Variants in EPHA2 observed in about 807,000 individuals in gnomAD.
The protein encoded by EPHA2 is ephrin type-A receptor 2.
EPHA2 carries 54 observed loss-of-function variants against 104.9 expected under a neutral mutation model. The observed-to-expected ratio is 0.51, with a 90% CI of 0.41 to 0.65. EPHA2 has a LOEUF of 0.65. Ranked by LOEUF, EPHA2 falls within the 30% of genes least tolerant of loss-of-function variation. EPHA2 has a pLI of 0.00. For synonymous variants in EPHA2, 560 were observed against 559.1 expected (o/e 1.00, Z -0.02); for missense variants, 1,117 against 1,369.5 (o/e 0.82, Z 2.91).
intron 2 of EPHA2, 151 bp from the exon 3 acceptor site, chr1:16,149,198 C>T (rs2024992820): frequency 2.4e-6 from 2 of 835,508 alleles, no homozygotes; most frequent in Non-Finnish European, 3.9e-6. Flanking sequence ...GTGGGGGCTG[C>T]ATCCATAAGT....
Position 16,138,535 on chromosome 1 carries a change from G to A in EPHA2, c.824-105C>T, listed in dbSNP as rs999584241. ...CCAGGGACCCCTGCCCTGCAAGCAG[G>A]TCAGTAAATCTCTATGGACCTGTTT... On this transcript the variant is annotated intron_variant, in intron 3 of 16. Transcript: ENST00000358432. 2.6e-6 allele frequency: 4 copies of A among 1,535,142 alleles called. No homozygotes were observed. In the Admixed American group the frequency reaches 5.1e-5, roughly 20 times the overall value.
intron 16 of EPHA2, 131 bp downstream of exon 16, chr1:16,129,303 G>T: frequency 8.7e-7 from 1 of 1,144,046 alleles, no homozygotes. Flanking sequence ...CTTCCAAGGA[G>T]CCTCTTCCCA....
At chr1:16,136,300 C>A (rs942154257) in intron 5 of EPHA2, among the ~76,000 whole-genome samples, 2 of 72,846 alleles carry the variant, frequency 2.7e-5, no homozygotes, top group Non-Finnish European at 5.5e-5. Flanking sequence ...TTTACGAGTG[C>A]ATAAATAATA....
intron 9 of EPHA2, 60 bp downstream of exon 9, chr1:16,133,800 C>T (rs2024627672): frequency 1.3e-6 from 2 of 1,503,122 alleles, no homozygotes; most frequent in Non-Finnish European, 1.8e-6. Context: ...CCCCCACCTC[C>T]CCCACAGAGC....
Position 16,128,647 on chromosome 1 carries a change from C to G in EPHA2, c.2825+787G>C, listed in dbSNP as rs57138197. 0.018 allele frequency among the ~76,000 whole-genome samples: 2,726 copies of G among 152,278 alleles called. 92 individuals are homozygous for G. The highest frequency in any genetic ancestry group is 0.06 in the African/African-American group (2,504 of 41,542). On this transcript the variant is annotated intron_variant, in intron 16 of 16. Coordinates refer to ENST00000358432, the MANE Select transcript of EPHA2 (RefSeq NM_004431.5). The surrounding 1 kb of genome is among the most constrained non-coding windows in gnomAD (Gnocchi z 4.7). ...AAGGCTAAGAGGATAGGGTCTCCCC[C>G]TTCCTGGGACAGGAGGAGGTGTCTG...
At position 16,135,001 on chromosome 1, in the gene EPHA2, C is replaced by G. The variant is rs200733267; in HGVS notation, c.1582+35G>C. On this transcript the variant is annotated intron_variant, in intron 7 of 16. Transcript: ENST00000358432. This position sits in a 1 kb window ranked among gnomAD's most constrained non-coding sequence, Gnocchi z 4.3. The stretch of plus-strand genomic sequence containing the variant: ...TGTCTCAATTGCTTGGTTCTGGGCC[C>G]TGGCCTGGTCCATGCCCAGGGTCCC... 1.2e-6 allele frequency: 2 copies of G among 1,608,762 alleles called. No homozygotes were observed. Among genetic ancestry groups the G allele is most frequent in the Admixed American group, 3.3e-5 (2 of 60,012 alleles).
rs763497734 is a variant in EPHA2 at position 16,150,946 on chromosome 1, C to A, written c.103G>T (p.Ala35Ser). The A allele has an allele frequency of 3.1e-6, 5 of 1,614,122 alleles. No individual in the cohort carries two copies. Among genetic ancestry groups the A allele is most frequent in the Non-Finnish European group, 4.2e-6 (5 of 1,180,014 alleles). The change falls in exon 2 of 17, where the codon GCT becomes TCT. Residue 35 changes from alanine (A) to serine (S), a missense_variant. By Grantham distance (99) the Ala-to-Ser change is moderately conservative (BLOSUM62 1). Transcript: ENST00000358432. This position sits in a 1 kb window ranked among gnomAD's most constrained non-coding sequence, Gnocchi z 4.8. ...CAGCCGAGCTCCCCTCCAGCTGCAG[C>A]AAAGTCCAGCAGTACCACTGAAAGG... ...QGKEVVLLDF[A>S]AAGGELGWLT...
At chr1:16,142,382 G>A (rs2024838790) in intron 3 of EPHA2, among the ~76,000 whole-genome samples, 1 of 152,262 alleles carries the variant, frequency 6.6e-6, no homozygotes, top group Non-Finnish European at 1.5e-5. Context: ...TGTATCAGGA[G>A]CTTCCGTGAG....
intron 3 of EPHA2, among the ~76,000 whole-genome samples, chr1:16,141,974 G>A (rs941914933): frequency 6.6e-6 from 1 of 152,202 alleles, no homozygotes; most frequent in African/African-American, 2.4e-5. Context: ...GAGTTCATGA[G>A]TAGGACACCA....
At position 16,138,418 on chromosome 1, in the gene EPHA2, C is replaced by A. The variant is rs781107512; in HGVS notation, c.836G>T (p.Gly279Val). 2 of 1,613,722 alleles carry A rather than the reference C, an allele frequency of 1.2e-6. No homozygotes were observed. Among genetic ancestry groups the A allele is most frequent in the South Asian group, 1.1e-5 (1 of 91,088 alleles). ...VEDACQACSPGFFKFEASESP... is the reference protein window; with the variant it reads ...VEDACQACSPVFFKFEASESP... ...CTCAGATGCCTCAAACTTAAAAAAT[C>A]CAGGCGAGCAGGCTGGTGGACACAG... The change falls in exon 4 of 17, where the codon GGA becomes GTA. Residue 279 changes from glycine (G) to valine (V), a missense_variant. This residue lies in a region of EPHA2 where 664 missense variants were observed against 784.8 expected (regional missense o/e 0.85). Coordinates refer to ENST00000358432, the MANE Select transcript of EPHA2 (RefSeq NM_004431.5).
At chr1:16,149,155 T>C in intron 2 of EPHA2, 108 bp from the exon 3 acceptor site, 2 of 1,255,048 alleles carry the variant, frequency 1.6e-6, no homozygotes, top group Non-Finnish European at 2.3e-6. Flanking sequence ...GCTCTCCGGG[T>C]TCTACGGTGA....
In EPHA2 at chr1:16,143,155, G is replaced by GGGT. The variant is rs1163487579; in HGVS notation, c.824-4726_824-4725insACC. Among the ~76,000 whole-genome samples, 10 of 133,214 alleles carry GGGT rather than the reference G, an allele frequency of 7.5e-5. No individual in the cohort carries two copies. In the East Asian group the frequency reaches 2.2e-3, roughly 29 times the overall value. 87.4% of individuals were successfully genotyped at this position (133,214 alleles called of 152,430 possible). ...TTGGCGGGTAGACGAGTGAATGGAT[G>GGGT]GATGATGGATGGATGGATGGATGGA... On this transcript the variant is annotated intron_variant, in intron 3 of 16. Coordinates refer to ENST00000358432, the MANE Select transcript of EPHA2 (RefSeq NM_004431.5).
In EPHA2 at chr1:16,131,977, C is replaced by T. The variant is rs1172081092; in HGVS notation, c.2325+87G>A. On this transcript the variant is annotated intron_variant, in intron 13 of 16. Coordinates refer to ENST00000358432, the MANE Select transcript of EPHA2 (RefSeq NM_004431.5). The surrounding 1 kb of genome is among the most constrained non-coding windows in gnomAD (Gnocchi z 5.2). ...CTGGACTCCTACAGGTGTTCTGCCT[C>T]CTGAAGCACTGCCCAGGTGTGCAGG... The T allele has an allele frequency of 6.2e-7, 1 of 1,608,760 alleles. No individual in the cohort carries two copies. The highest frequency in any genetic ancestry group is 2.2e-5 in the East Asian group (1 of 44,724).
At position 16,131,632 on chromosome 1, in the gene EPHA2, A is replaced by T; in HGVS notation, c.2475+89T>A. The T allele has an allele frequency of 6.4e-7, 1 of 1,573,526 alleles. No homozygotes were observed. Among genetic ancestry groups the T allele is most frequent in the Non-Finnish European group, 8.7e-7 (1 of 1,148,376 alleles). ...AGCAAGCCTAAGAAGGTTCATCTAA[A>T]CTGTCCTCTGCCCAGCCCCTGCAGT... On this transcript the variant is annotated intron_variant, in intron 14 of 16. Transcript: ENST00000358432. The surrounding 1 kb of genome is among the most constrained non-coding windows in gnomAD (Gnocchi z 5.2).
At position 16,132,067 on chromosome 1, in the gene EPHA2, G is replaced by A; in HGVS notation, c.2322C>T (p.Thr774=). Residue 774 remains threonine (T), a synonymous_variant, in exon 13 of 17, where the codon ACC becomes ACT. Coordinates refer to ENST00000358432, the MANE Select transcript of EPHA2 (RefSeq NM_004431.5). ...GAGGTCCCCTTCCCCAACTTACACT[G>A]GTGGTGTAGGTGGCCTCGGGGTCGT... is the stretch of plus-strand genomic sequence containing the variant. The part of the protein sequence containing the change: ...LEDDPEATYT[T]SGGKIPIRWT... 1.2e-6 allele frequency: 2 copies of A among 1,614,140 alleles called. No homozygotes were observed. The highest frequency in any genetic ancestry group is 1.7e-6 in the Non-Finnish European group (2 of 1,180,036).
chr1:16,133,383 G>T lies in EPHA2; in HGVS notation c.1865-15C>A, dbSNP rs1489371472. 11 of 1,613,858 alleles carry T rather than the reference G, an allele frequency of 6.8e-6. No individual in the cohort carries two copies. Among genetic ancestry groups the T allele is most frequent in the East Asian group, 2.2e-5 (1 of 44,880 alleles). On this transcript the variant is annotated splice_polypyrimidine_tract_variant and intron_variant, in intron 10 of 16. Coordinates refer to ENST00000358432, the MANE Select transcript of EPHA2 (RefSeq NM_004431.5). ...CCCAAACTCTCCTGTGGGCAGACAG[G>T]GTCAGGGGAGTGCCCTGGTCAGCCC...
chr1:16,143,251 G>C (rs538961531), intron 3 of EPHA2, among the ~76,000 whole-genome samples: 166 of 152,158 alleles, frequency 1.1e-3, no homozygotes, highest in African/African-American at 3.9e-3. Flanking sequence ...TGAGTGGATG[G>C]GTGGACAGGT....
At chr1:16,149,155 T>A in intron 2 of EPHA2, 108 bp from the exon 3 acceptor site, 2 of 1,255,048 alleles carry the variant, frequency 1.6e-6, no homozygotes, top group East Asian at 2.4e-5. Flanking sequence ...GCTCTCCGGG[T>A]TCTACGGTGA....
chr1:16,155,723 G>T, intron 1 of EPHA2, 125 bp downstream of exon 1: 1 of 745,116 alleles, frequency 1.3e-6, no homozygotes. Context: ...TGCGCCCTCC[G>T]GACTCCAGTT....
Sources: gnomAD v4.1 joint callset for allele counts (sites outside exome capture counted in the v4.1 genomes callset) on GRCh38, gnomAD v4.1.1 for gene constraint, gnomAD v4.1.1 regional missense constraint, Gnocchi (gnomAD v3.1) non-coding constraint, MANE v1.5 for transcripts, NCBI Gene and HGNC (gene_info 2026-07-23, HGNC 2026-07-21) for gene names.